Variants in RCAN2 observed in about 807,000 individuals in gnomAD.
RCAN2 encodes the protein calcipressin-2.
Under a neutral mutation model 23.6 loss-of-function variants are expected in RCAN2, and 9 were observed. The ratio of observed to expected loss-of-function variants is 0.38; its 90% CI spans 0.23 to 0.67. The LOEUF is 0.67. Among genes scored for constraint, RCAN2 ranks in the 30% least tolerant of loss-of-function variants. The pLI is 0.51. For synonymous variants in RCAN2, 109 were observed against 115.7 expected, an observed-to-expected ratio of 0.94 and a Z score of 0.37; for missense variants, 273 against 302.3, an observed-to-expected ratio of 0.90 and a Z score of 0.72.
Position 46,292,551 on chromosome 6 carries a change from G to C in RCAN2, c.226-43655C>G, listed in dbSNP as rs997139372. Reference sequence around the variant, plus strand: ...CATATAATTGAACCTCAAATGATCTGCTGAGATTATACAGAAGCATTCTTA... The same window carrying C: ...CATATAATTGAACCTCAAATGATCTCCTGAGATTATACAGAAGCATTCTTA... On this transcript the variant is annotated intron_variant, in intron 2 of 4. Coordinates refer to ENST00000371374, the MANE Select transcript of RCAN2 (RefSeq NM_001251974.2). Among the ~76,000 whole-genome samples, 8 of 149,222 alleles carry C rather than the reference G, an allele frequency of 5.4e-5. 1 individual carries two copies. The highest frequency in any genetic ancestry group is 4.7e-4 in the Admixed American group (7 of 14,796).
intron 2 of RCAN2, among the ~76,000 whole-genome samples, chr6:46,275,021 A>C (rs1324505496): frequency 6.6e-6 from 1 of 152,200 alleles, no homozygotes; most frequent in Non-Finnish European, 1.5e-5. Context: ...TGATTGGCTA[A>C]ATTTAAACAA....
At chr6:46,263,447 CAG>C (rs1405400274) in intron 2 of RCAN2, among the ~76,000 whole-genome samples, 2 of 140,142 alleles carry the variant, frequency 1.4e-5, no homozygotes, top group African/African-American at 2.7e-5. Context: ...AATGTGTCAT[CAG>C]AGAGTGTGTG....
chr6:46,286,521 G>C (rs1375830209), intron 2 of RCAN2, among the ~76,000 whole-genome samples: 1 of 152,172 alleles, frequency 6.6e-6, no homozygotes, highest in Non-Finnish European at 1.5e-5. Context: ...AAATATATGA[G>C]AAAGGAGAAG....
At chr6:46,276,802 A>C (rs982014706) in intron 2 of RCAN2, among the ~76,000 whole-genome samples, 8 of 152,216 alleles carry the variant, frequency 5.3e-5, no homozygotes, top group African/African-American at 1.9e-4. Context: ...TATCAGCTAC[A>C]GTTTATTTCC....
intron 2 of RCAN2, among the ~76,000 whole-genome samples, chr6:46,308,496 T>C (rs1763138206): frequency 6.6e-6 from 1 of 152,008 alleles, no homozygotes; most frequent in Non-Finnish European, 1.5e-5. Flanking sequence ...TTGAGCACAG[T>C]CTAGGGTGGA....
intron 1 of RCAN2, among the ~76,000 whole-genome samples, chr6:46,472,191 A>G (rs557020707): frequency 2.6e-5 from 4 of 152,350 alleles, no homozygotes; most frequent in African/African-American, 4.8e-5. Context: ...CATCATGCAT[A>G]TAACAGGCTT....
chr6:46,319,662 C>T (rs1345649338), intron 2 of RCAN2, among the ~76,000 whole-genome samples: 3 of 152,152 alleles, frequency 2.0e-5, no homozygotes, highest in Non-Finnish European at 4.4e-5. Context: ...AAGATGTTTG[C>T]TACTTTCTTC....
chr6:46,384,113 T>C (rs1353014014), intron 2 of RCAN2, among the ~76,000 whole-genome samples: 3 of 152,210 alleles, frequency 2.0e-5, no homozygotes, highest in Non-Finnish European at 4.4e-5. Context: ...CCAGGGCCCA[T>C]TGGTGGACCT....
chr6:46,282,866 G>A (rs1035829724), intron 2 of RCAN2, among the ~76,000 whole-genome samples: 1 of 152,190 alleles, frequency 6.6e-6, no homozygotes, highest in African/African-American at 2.4e-5. Flanking sequence ...AGTCAAATCT[G>A]CCTTTTCCTC....
At chr6:46,466,444 G>A (rs1768387419) in intron 1 of RCAN2, among the ~76,000 whole-genome samples, 1 of 152,064 alleles carries the variant, frequency 6.6e-6, no homozygotes, top group South Asian at 2.1e-4. Flanking sequence ...GAGCTGGACA[G>A]GACTCACTAG....
chr6:46,429,829 A>G (rs1418004515), intron 2 of RCAN2, among the ~76,000 whole-genome samples: 4 of 152,238 alleles, frequency 2.6e-5, no homozygotes, highest in Non-Finnish European at 5.9e-5. Context: ...CAGAGGAACT[A>G]ACGAGGTCTT....
intron 2 of RCAN2, among the ~76,000 whole-genome samples, chr6:46,422,584 A>C (rs1475536207): frequency 6.6e-6 from 1 of 152,218 alleles, no homozygotes; most frequent in Non-Finnish European, 1.5e-5. Flanking sequence ...CATCAAAGTG[A>C]ATGGAGATAA....
intron 2 of RCAN2, among the ~76,000 whole-genome samples, chr6:46,368,274 AAT>A (rs1765226243): frequency 6.6e-6 from 1 of 152,202 alleles, no homozygotes; most frequent in Admixed American, 6.5e-5. Flanking sequence ...AAAATGTTAG[AAT>A]GATGATAGCT....
At chr6:46,445,503 A>G (rs1210311608) in intron 2 of RCAN2, among the ~76,000 whole-genome samples, 1 of 152,270 alleles carries the variant, frequency 6.6e-6, no homozygotes, top group African/African-American at 2.4e-5. Flanking sequence ...TCAAATGCAT[A>G]GAAACTAATA....
chr6:46,335,108 T>C (rs566071943), intron 2 of RCAN2, among the ~76,000 whole-genome samples: 1 of 152,334 alleles, frequency 6.6e-6, no homozygotes, highest in East Asian at 1.9e-4. Context: ...AGACTTCTCA[T>C]GAGGATTTTC....
chr6:46,391,433 G>A (rs1166934778), intron 2 of RCAN2, among the ~76,000 whole-genome samples: 2 of 152,162 alleles, frequency 1.3e-5, no homozygotes, highest in Non-Finnish European at 2.9e-5. Flanking sequence ...TCAGCTCAGG[G>A]TGTTTGGGAA....
chr6:46,390,620 C>G (rs1412288709), intron 2 of RCAN2, among the ~76,000 whole-genome samples: 1 of 152,176 alleles, frequency 6.6e-6, no homozygotes, highest in African/African-American at 2.4e-5. Context: ...TTACCACAAA[C>G]TTTCACTTCT....
chr6:46,385,835 C>A (rs1411589594), intron 2 of RCAN2, among the ~76,000 whole-genome samples: 2 of 117,514 alleles, frequency 1.7e-5, no homozygotes, highest in Non-Finnish European at 1.6e-5. Context: ...CCAGCCTGGG[C>A]AGCAAAACAA....
intron 2 of RCAN2, among the ~76,000 whole-genome samples, chr6:46,405,368 C>T (rs987333995): frequency 6.6e-6 from 1 of 152,170 alleles, no homozygotes; most frequent in Non-Finnish European, 1.5e-5. Context: ...CCACTGCTGG[C>T]TTGGGCAGCC....
Sources: gnomAD v4.1 joint callset for allele counts (sites outside exome capture counted in the v4.1 genomes callset) on GRCh38, gnomAD v4.1.1 for gene constraint, MANE v1.5 for transcripts, NCBI Gene and HGNC (gene_info 2026-07-23, HGNC 2026-07-21) for gene names.